The following RPS6KC1 variants were observed in gnomAD, a reference collection of about 807,000 sequenced individuals.
The protein encoded by RPS6KC1 is inactive ribosomal protein S6 kinase delta-1.
RPS6KC1 carries 54 observed loss-of-function variants against 103.8 expected under a neutral mutation model. The ratio of observed to expected loss-of-function variants is 0.52; its 90% CI spans 0.42 to 0.65. The LOEUF is 0.65. RPS6KC1 is among the 30% of genes least tolerant of loss of function. RPS6KC1 has a pLI of 0.00. For missense variants in RPS6KC1, 1,151 were observed against 1,253.8 expected (o/e 0.92, Z 1.24); for synonymous variants, 439 against 438.7 (o/e 1.00, Z -0.01).
At chr1:213,747,254 TCAAGTG>T in the RPS6KC1 span, among the ~76,000 whole-genome samples, 2 of 152,100 alleles carry the variant, frequency 1.3e-5, no homozygotes, top group African/African-American at 4.8e-5. Context: ...GTCAACTGGT[TCAAGTG>T]CTGCCAAGAG....
At chr1:213,256,634 G>C (rs896157766) in intron 12 of RPS6KC1, among the ~76,000 whole-genome samples, 2 of 152,132 alleles carry the variant, frequency 1.3e-5, no homozygotes, top group African/African-American at 2.4e-5. Flanking sequence ...GGTTGCACAG[G>C]CTTCCTCTAG....
chr1:213,422,400 A>T, the RPS6KC1 span, among the ~76,000 whole-genome samples: 1 of 152,312 alleles, frequency 6.6e-6, no homozygotes, highest in South Asian at 2.1e-4. Context: ...CTCATCTGTC[A>T]ATGAATATCT....
the RPS6KC1 span, among the ~76,000 whole-genome samples, chr1:213,706,065 T>TGCAA: frequency 2.0e-5 from 3 of 152,174 alleles, no homozygotes; most frequent in Non-Finnish European, 1.5e-5. Flanking sequence ...GGAAGAATGA[T>TGCAA]GCAAGCACTT....
At chr1:213,565,107 G>T in the RPS6KC1 span, among the ~76,000 whole-genome samples, 2 of 152,098 alleles carry the variant, frequency 1.3e-5, no homozygotes, top group Non-Finnish European at 2.9e-5. Flanking sequence ...CCACCAGAAA[G>T]GTTAAATTTT....
intron 8 of RPS6KC1, among the ~76,000 whole-genome samples, chr1:213,223,105 A>G (rs1558573472): frequency 6.6e-6 from 1 of 152,202 alleles, no homozygotes; most frequent in Non-Finnish European, 1.5e-5. Flanking sequence ...TACGGGGAGC[A>G]TGACTTACAC....
Position 213,205,536 on chromosome 1 carries a change from T to TTATATATATATATATATATATATATATA in RPS6KC1, c.1045-24951_1045-24950insTATATATATATATATATATATATATATA, listed in dbSNP as rs1441006046. ...ATAATGTTAATAACAACAAACTCAT[T>TTATATATATATATATATATATATATATA]TATATATATAGATATATATATATAT... is the stretch of plus-strand genomic sequence containing the variant. On this transcript the variant is annotated intron_variant, in intron 8 of 14. Coordinates refer to ENST00000366960, the MANE Select transcript of RPS6KC1 (RefSeq NM_012424.6). 166 of 82,220 alleles carry TTATATATATATATATATATATATATATA rather than the reference T, an allele frequency of 2.0e-3. 26 individuals carry two copies. The highest frequency in any genetic ancestry group is 2.9e-3 in the Non-Finnish European group (116 of 39,820). The allele number at this position is 82,220 out of a possible 1,614,324, so 5.1% of individuals were successfully genotyped here.
chr1:213,825,225 C>T, the RPS6KC1 span, among the ~76,000 whole-genome samples: 56 of 152,282 alleles, frequency 3.7e-4, no homozygotes, highest in African/African-American at 1.3e-3. Flanking sequence ...TTCAGGAATA[C>T]CCCCAGGGTC....
chr1:213,340,060 T>C, the RPS6KC1 span, among the ~76,000 whole-genome samples: 3 of 152,148 alleles, frequency 2.0e-5, 1 homozygote, highest in African/African-American at 7.2e-5. Context: ...GCCTGGCTAA[T>C]TTTTTGTATT....
At chr1:213,571,571 A>G in the RPS6KC1 span, among the ~76,000 whole-genome samples, 1 of 152,204 alleles carries the variant, frequency 6.6e-6, no homozygotes, top group South Asian at 2.1e-4. Context: ...CAGTGCATAT[A>G]GTTCCCTGGA....
chr1:213,841,845 G>A, the RPS6KC1 span, among the ~76,000 whole-genome samples: 908 of 152,250 alleles, frequency 6.0e-3, 9 homozygotes, highest in African/African-American at 0.021. Context: ...CATCAGTGCC[G>A]TCCAAATCAC....
chr1:213,084,988 G>C (rs989078287), intron 3 of RPS6KC1, among the ~76,000 whole-genome samples: 1 of 152,168 alleles, frequency 6.6e-6, no homozygotes, highest in Non-Finnish European at 1.5e-5. Flanking sequence ...CACTGTGTTA[G>C]TTTCCTGGGG....
the RPS6KC1 span, among the ~76,000 whole-genome samples, chr1:213,481,814 G>T: frequency 6.6e-6 from 1 of 152,136 alleles, no homozygotes; most frequent in Non-Finnish European, 1.5e-5. Flanking sequence ...GAAATAGTTT[G>T]TCCTCAGTCA....
chr1:213,675,261 C>T, the RPS6KC1 span, among the ~76,000 whole-genome samples: 5 of 152,222 alleles, frequency 3.3e-5, no homozygotes, highest in Admixed American at 3.3e-4. Flanking sequence ...GCACCTGTCA[C>T]ATGCTGCTCT....
chr1:213,691,951 C>T, the RPS6KC1 span, among the ~76,000 whole-genome samples: 3 of 152,220 alleles, frequency 2.0e-5, no homozygotes, highest in Non-Finnish European at 4.4e-5. Context: ...GACCTGCTTG[C>T]ACTTTCTCTG....
At chr1:213,754,065 C>T in the RPS6KC1 span, among the ~76,000 whole-genome samples, 15 of 152,270 alleles carry the variant, frequency 9.9e-5, no homozygotes, top group South Asian at 2.7e-3. Context: ...CTTTCTTCCC[C>T]GTTTCACTGC....
chr1:213,621,590 T>G, the RPS6KC1 span, among the ~76,000 whole-genome samples: 4 of 110,172 alleles, frequency 3.6e-5, no homozygotes, highest in African/African-American at 1.5e-4. Flanking sequence ...GGAACTAACA[T>G]GTGTGATGAA....
chr1:213,604,650 G>T, the RPS6KC1 span, among the ~76,000 whole-genome samples: 1 of 152,198 alleles, frequency 6.6e-6, no homozygotes, highest in Admixed American at 6.5e-5. Flanking sequence ...CTGCAAGGCT[G>T]CCAGACCTGC....
chr1:213,213,186 G>C (rs750215928), intron 8 of RPS6KC1, among the ~76,000 whole-genome samples: 3 of 152,046 alleles, frequency 2.0e-5, no homozygotes, highest in Non-Finnish European at 2.9e-5. Context: ...TTATCTTCCA[G>C]GATTTTAATA....
the RPS6KC1 span, among the ~76,000 whole-genome samples, chr1:213,680,444 G>C: frequency 1.3e-5 from 2 of 152,276 alleles, no homozygotes; most frequent in African/African-American, 4.8e-5. Context: ...GAGCAGGTGA[G>C]CTGAGGGGCC....
Sources: gnomAD v4.1 joint callset for allele counts (sites outside exome capture counted in the v4.1 genomes callset) on GRCh38, gnomAD v4.1.1 for gene constraint, MANE v1.5 for transcripts, NCBI Gene and HGNC (gene_info 2026-07-23, HGNC 2026-07-21) for gene names.